Variants in CARD8 observed in about 807,000 individuals in gnomAD.
CARD8 encodes caspase recruitment domain-containing protein 8.
CARD8 carries 38 observed loss-of-function variants against 53.2 expected under a neutral mutation model. The ratio of observed to expected loss-of-function variants is 0.71; its 90% CI spans 0.55 to 0.94. The LOEUF (loss-of-function observed/expected upper bound fraction) is 0.94, where lower values mean the gene tolerates loss of function less well. Among genes scored for constraint, CARD8 ranks in the 40% least tolerant of loss-of-function variants. CARD8 has a pLI of 0.00. For synonymous variants in CARD8, 245 were observed against 244.9 expected (o/e 1.00, Z 0.00); for missense variants, 561 against 655.5 (o/e 0.86, Z 1.57).
chr19:48,226,505 A>T (rs2041818391), intron 10 of CARD8, among the ~76,000 whole-genome samples: 1 of 152,168 alleles, frequency 6.6e-6, no homozygotes, highest in Non-Finnish European at 1.5e-5. Flanking sequence ...GATTATAGGC[A>T]TGAGCCACCA....
chr19:48,212,651 A>G (rs2038253767), intron 13 of CARD8, among the ~76,000 whole-genome samples: 1 of 152,226 alleles, frequency 6.6e-6, no homozygotes, highest in Admixed American at 6.5e-5. Flanking sequence ...CTGAGCTACT[A>G]AGCTTTGATT....
At chr19:48,244,010 A>G (rs919093273) in intron 3 of CARD8, among the ~76,000 whole-genome samples, 2 of 152,250 alleles carry the variant, frequency 1.3e-5, no homozygotes, top group South Asian at 2.1e-4. Context: ...TTACACCTGT[A>G]TTAGGAGAGT....
At chr19:48,237,985 G>T (rs1385433798) in intron 5 of CARD8, among the ~76,000 whole-genome samples, 1 of 151,724 alleles carries the variant, frequency 6.6e-6, no homozygotes, top group African/African-American at 2.4e-5. Flanking sequence ...CCGCCTCCCA[G>T]GTTTGAGCAA....
Position 48,238,504 on chromosome 19 carries a change from C to A in CARD8, c.88G>T (p.Ala30Ser). Reference protein sequence around the residue: ...RDSGSSRNIDASKLIRLQGSR... With the variant: ...RDSGSSRNIDSSKLIRLQGSR... ...CCTTGTAGTCTAATGAGTTTGGATGCATCTATGTTCCTACTGGATCCACTG... is the reference window on the plus strand; with the variant it reads ...CCTTGTAGTCTAATGAGTTTGGATGAATCTATGTTCCTACTGGATCCACTG... The change falls in exon 5 of 14, where the codon GCA becomes TCA. Residue 30 changes from alanine to serine, a missense_variant. Physicochemically the swap from Ala to Ser is moderately conservative, Grantham distance 99. Transcript: ENST00000651546. 2.0e-6 allele frequency: 3 copies of A among 1,536,478 alleles called. No individual in the cohort carries two copies. The highest frequency in any genetic ancestry group is 2.6e-6 in the Non-Finnish European group (3 of 1,146,986).
intron 3 of CARD8, among the ~76,000 whole-genome samples, chr19:48,246,367 C>T (rs969129930): frequency 1.3e-5 from 2 of 152,144 alleles, no homozygotes; most frequent in Non-Finnish European, 2.9e-5. Context: ...CACTTCTCCA[C>T]GGATCCTTGG....
chr19:48,220,746 T>TAA (rs2040334502), intron 11 of CARD8, among the ~76,000 whole-genome samples: 1 of 151,880 alleles, frequency 6.6e-6, no homozygotes, highest in African/African-American at 2.4e-5. Context: ...ACCCCGTCTC[T>TAA]ACTAAAAATA....
rs1294829121 is a variant in CARD8, at chr19:48,211,315, T to TA, written c.*394dup. The TA allele has an allele frequency of 6.2e-6, 1 of 162,574 alleles. No homozygotes were observed. The highest frequency in any genetic ancestry group is 2.4e-5 in the African/African-American group (1 of 41,598). 10.1% of individuals were successfully genotyped at this position (162,574 alleles called of 1,614,324 possible). ...TCTGCTTTTAGTTATGAGAAGGTGA[T>TA]ACTTCAAACGGAGTGTCCATAGGAA... On this transcript the variant is annotated 3_prime_UTR_variant, in exon 14 of 14. Transcript: ENST00000651546.
chr19:48,214,306 G>C (rs1349177208), intron 13 of CARD8, among the ~76,000 whole-genome samples: 1 of 152,152 alleles, frequency 6.6e-6, no homozygotes, highest in Non-Finnish European at 1.5e-5. Flanking sequence ...TCAGGCAGTT[G>C]TTACACCGTC....
At chr19:48,247,589 T>C (rs1219964032) in intron 3 of CARD8, among the ~76,000 whole-genome samples, 1 of 151,952 alleles carries the variant, frequency 6.6e-6, no homozygotes, top group Non-Finnish European at 1.5e-5. Context: ...TCTGGATATA[T>C]ATATATACAG....
intron 5 of CARD8, among the ~76,000 whole-genome samples, chr19:48,236,332 C>T (rs947017531): frequency 2.6e-5 from 4 of 151,944 alleles, no homozygotes; most frequent in African/African-American, 9.7e-5. Flanking sequence ...CCTGCCTCAG[C>T]GTCCCCAATA....
rs1341114646 is a variant in CARD8, at chr19:48,210,431, AAACAT to A, written c.*1274_*1278del. ...CAACAGAAATGGTAAATATCTGGAA[AAACAT>A]AACAGATTACTCTTCTCATGAGTTT... is the stretch of plus-strand genomic sequence containing the variant. On this transcript the variant is annotated 3_prime_UTR_variant, in exon 14 of 14. Transcript: ENST00000651546. The A allele has an allele frequency of 6.6e-6, 1 of 152,202 alleles. No homozygotes were observed. Among genetic ancestry groups the A allele is most frequent in the African/African-American group, 2.4e-5 (1 of 41,470 alleles). 9.4% of individuals were successfully genotyped at this position (152,202 alleles called of 1,614,324 possible).
chr19:48,242,150 T>C (rs1320567481), intron 3 of CARD8, among the ~76,000 whole-genome samples: 2 of 152,172 alleles, frequency 1.3e-5, no homozygotes, highest in Non-Finnish European at 2.9e-5. Flanking sequence ...CCAAATGTGA[T>C]GATAGGAGGA....
In CARD8 at chr19:48,218,964, T is replaced by G; in HGVS notation, c.1210A>C (p.Lys404Gln). 1 of 1,613,990 alleles carries G rather than the reference T, an allele frequency of 6.2e-7. No individual in the cohort carries two copies. The highest frequency in any genetic ancestry group is 8.5e-7 in the Non-Finnish European group (1 of 1,179,872). The change falls in exon 12 of 14, where the codon AAA (lysine) becomes CAA (glutamine). Residue 404 changes from lysine (K) to glutamine (Q), a missense_variant. Coordinates refer to ENST00000651546, the MANE Select transcript of CARD8 (RefSeq NM_001184900.3). Reference protein sequence around the residue: ...RSPGEIQHFSKFYAGQMKEPI... With the variant: ...RSPGEIQHFSQFYAGQMKEPI... ...TCCTTCATCTGCCCAGCATAGAATT[T>G]TGAGAAGTGCTGAATTTCTCCAGGG...
intron 4 of CARD8, among the ~76,000 whole-genome samples, chr19:48,238,822 C>A (rs1456537623): frequency 6.6e-6 from 1 of 152,168 alleles, no homozygotes; most frequent in Non-Finnish European, 1.5e-5. Context: ...TTAGAGATGC[C>A]CATTCTTAGA....
intron 3 of CARD8, among the ~76,000 whole-genome samples, chr19:48,244,977 A>C (rs1164381103): frequency 6.6e-6 from 1 of 152,228 alleles, no homozygotes; most frequent in African/African-American, 2.4e-5. Context: ...CTTGTGCTTC[A>C]TGTGGACACT....
intron 3 of CARD8, among the ~76,000 whole-genome samples, chr19:48,243,384 T>A (rs1028811294): frequency 6.6e-6 from 1 of 152,146 alleles, no homozygotes; most frequent in South Asian, 2.1e-4. Context: ...ACTGAATTTA[T>A]CTGCAATAAC....
chr19:48,237,210 C>A (rs1386375823), intron 5 of CARD8, among the ~76,000 whole-genome samples: 2 of 151,770 alleles, frequency 1.3e-5, no homozygotes, highest in Non-Finnish European at 2.9e-5. Context: ...TTCTGGGAGG[C>A]CTCAGGGACG....
intron 1 of CARD8, among the ~76,000 whole-genome samples, chr19:48,251,761 A>T (rs975885085): frequency 1.3e-5 from 2 of 152,192 alleles, no homozygotes; most frequent in Non-Finnish European, 2.9e-5. Context: ...AGGATCATTT[A>T]TAAATGTCAT....
At chr19:48,207,734 G>GTTTTTTTTTTTTTTTTTT (rs758903014), downstream of CARD8, among the ~76,000 whole-genome samples, 20 of 116,532 alleles carry the variant, frequency 1.7e-4, no homozygotes, top group African/African-American at 5.5e-4. Flanking sequence ...TTGTTTTTCT[G>GTTTTTTTTTTTTTTTTTT]TTTTTTTTTT....
Sources: allele counts gnomAD v4.1 joint callset (sites outside exome capture counted in the v4.1 genomes callset), GRCh38; gene constraint gnomAD v4.1.1; transcripts MANE v1.5; gene names NCBI Gene and HGNC (gene_info 2026-07-23, HGNC 2026-07-21).